The following CAMTA1 variants were observed in gnomAD, a reference collection of about 807,000 sequenced individuals.
CAMTA1 encodes calmodulin binding transcription activator 1, also known as calmodulin-binding transcription activator 1.
A neutral mutation model predicts 170.9 loss-of-function variants in CAMTA1; 27 were observed. That is an observed-to-expected ratio of 0.16 (90% CI 0.12 to 0.22). CAMTA1 has a LOEUF of 0.22. Among genes scored for constraint, CAMTA1 ranks in the 10% least tolerant of loss-of-function variants. CAMTA1 has a pLI of 1.00. For missense variants in CAMTA1, 1,619 were observed against 2,217.2 expected (o/e 0.73, Z 5.42); for synonymous variants, 833 against 891.5 (o/e 0.93, Z 1.17).
At chr1:7,001,935 C>T (rs1698275223) in intron 3 of CAMTA1, among the ~76,000 whole-genome samples, 1 of 141,390 alleles carries the variant, frequency 7.1e-6, no homozygotes, top group African/African-American at 2.7e-5. Flanking sequence ...CTCCCTCTGT[C>T]GCCCAGGCTG....
chr1:7,252,592 G>A (rs1666792966), intron 5 of CAMTA1, among the ~76,000 whole-genome samples: 1 of 152,210 alleles, frequency 6.6e-6, no homozygotes, highest in Non-Finnish European at 1.5e-5. Flanking sequence ...ACAGGAGGAG[G>A]GGGCTTCTGA....
intron 22 of CAMTA1, among the ~76,000 whole-genome samples, chr1:7,763,859 A>G (rs935963686): frequency 3.3e-5 from 5 of 152,180 alleles, no homozygotes; most frequent in African/African-American, 1.2e-4. Flanking sequence ...TAGACATCTC[A>G]TCAGTGATGG....
rs1041120476 is a variant in CAMTA1 at position 6,820,486 on chromosome 1, G to C, written c.115+236G>C. 1.1e-4 allele frequency among the ~76,000 whole-genome samples: 17 copies of C among 152,198 alleles called. 1 individual carries two copies. The South Asian group carries it at 3.3e-3, about 30-fold the overall frequency. Reference sequence around the variant, plus strand: ...AAGGCAAAAGATTTAATCACACGGAGAAATCAAAGCACTTAACAAATGTTT... The same window carrying C: ...AAGGCAAAAGATTTAATCACACGGACAAATCAAAGCACTTAACAAATGTTT... On this transcript the variant is annotated intron_variant, in intron 2 of 22. Coordinates refer to ENST00000303635, the MANE Select transcript of CAMTA1 (RefSeq NM_015215.4).
At chr1:7,314,003 C>G (rs1156898924) in intron 5 of CAMTA1, among the ~76,000 whole-genome samples, 1 of 152,180 alleles carries the variant, frequency 6.6e-6, no homozygotes, top group Non-Finnish European at 1.5e-5. Context: ...GATTCCCACC[C>G]ACAGCAGGCC....
chr1:7,211,130 C>T (rs557454648), intron 4 of CAMTA1, among the ~76,000 whole-genome samples: 9 of 152,186 alleles, frequency 5.9e-5, no homozygotes, highest in Non-Finnish European at 1.2e-4. Context: ...AGCAATGCAT[C>T]TTGTGTTTAA....
chr1:6,859,218 T>C (rs1332688983), intron 3 of CAMTA1, among the ~76,000 whole-genome samples: 1 of 152,094 alleles, frequency 6.6e-6, no homozygotes, highest in Non-Finnish European at 1.5e-5. Flanking sequence ...TATGTATATA[T>C]GTTTGAGTGT....
Position 7,745,897 on chromosome 1 carries a change from G to C in CAMTA1, c.4423G>C (p.Val1475Leu). 6.2e-7 allele frequency: 1 copy of C among 1,614,170 alleles called. No homozygotes were observed. Among genetic ancestry groups the C allele is most frequent in the Non-Finnish European group, 8.5e-7 (1 of 1,180,020 alleles). ...TPSSNTSLSPVGSPVSEIAFE... is the reference protein window; with the variant it reads ...TPSSNTSLSPLGSPVSEIAFE... ...TTCTTCTAATACCAGCTTGAGCCCT[G>C]TTGGCTCTCCCGTCAGTGAAATCGC... Residue 1475 changes from valine (V) to leucine (L), a missense_variant, in exon 18 of 23, where the codon GTT (valine) becomes CTT (leucine). By Grantham distance (32) the Val-to-Leu change is conservative. Coordinates refer to ENST00000303635, the MANE Select transcript of CAMTA1 (RefSeq NM_015215.4).
chr1:6,854,131 C>T (rs912773062), intron 3 of CAMTA1, among the ~76,000 whole-genome samples: 21 of 152,118 alleles, frequency 1.4e-4, no homozygotes, highest in Non-Finnish European at 3.1e-4. Flanking sequence ...TTTCAGTCAA[C>T]AAGGGACTGA....
At chr1:6,995,713 T>C (rs1364444233) in intron 3 of CAMTA1, among the ~76,000 whole-genome samples, 1 of 152,230 alleles carries the variant, frequency 6.6e-6, no homozygotes, top group Non-Finnish European at 1.5e-5. Flanking sequence ...GAAAGCTTGT[T>C]ACAATTCCAA....
Position 7,027,808 on chromosome 1 carries a change from A to G in CAMTA1, c.235-63496A>G, listed in dbSNP as rs77619339. On this transcript the variant is annotated intron_variant, in intron 3 of 22. Coordinates refer to ENST00000303635, the MANE Select transcript of CAMTA1 (RefSeq NM_015215.4). ...CCAGAGTTATGAAGGTTGGGCATGG[A>G]TACAAAGACCCTTAGACTTTTTATT... is the stretch of plus-strand genomic sequence containing the variant. Among the ~76,000 whole-genome samples, 1,071 of 152,304 alleles carry G rather than the reference A, an allele frequency of 7.0e-3. 8 individuals are homozygous for G. Among genetic ancestry groups the G allele is most frequent in the African/African-American group, 0.024 (1,014 of 41,554 alleles).
intron 4 of CAMTA1, among the ~76,000 whole-genome samples, chr1:7,132,850 G>A (rs1459793078): frequency 1.3e-5 from 2 of 152,070 alleles, no homozygotes. Flanking sequence ...TAGTTCTTCT[G>A]TACCTATTGA....
intron 5 of CAMTA1, among the ~76,000 whole-genome samples, chr1:7,312,936 C>G (rs1379473945): frequency 2.6e-5 from 4 of 151,884 alleles, no homozygotes; most frequent in African/African-American, 9.7e-5. Flanking sequence ...TTTAATGGCT[C>G]CATGACATTT....
At chr1:6,796,668 G>C (rs1291635492) in intron 1 of CAMTA1, among the ~76,000 whole-genome samples, 2 of 152,080 alleles carry the variant, frequency 1.3e-5, no homozygotes, top group East Asian at 3.9e-4. Flanking sequence ...AGTATTCCTT[G>C]TATTGGACTT....
rs558506800 is a variant in CAMTA1, at chr1:7,667,802, C to T, written c.2652+2603C>T. Among the ~76,000 whole-genome samples the T allele has an allele frequency of 5.4e-4, 82 of 152,348 alleles. 1 individual carries two copies. Among genetic ancestry groups the T allele is most frequent in the South Asian group, 2.5e-3 (12 of 4,832 alleles). The stretch of plus-strand genomic sequence containing the variant: ...GCGGCCAGCCTTGCTTTTCCAGAAG[C>T]CCTCAATGCTTCCAGTTACCCACAA... On this transcript the variant is annotated intron_variant, in intron 9 of 22. Transcript: ENST00000303635.
Position 6,905,713 on chromosome 1 carries a change from T to C in CAMTA1, c.234+80503T>C, listed in dbSNP as rs529972074. Among the ~76,000 whole-genome samples, 30 of 152,324 alleles carry C rather than the reference T, an allele frequency of 2.0e-4. 1 individual carries two copies. In the South Asian group the frequency reaches 6.2e-3, roughly 32 times the overall value. On this transcript the variant is annotated intron_variant, in intron 3 of 22. Transcript: ENST00000303635. ...CCCTGCCCCCTGCTTTGCGTTTGCA[T>C]TGTGCTTTGTCTCTTATTAATAGTT...
chr1:7,036,640 C>T (rs7553537), intron 3 of CAMTA1, among the ~76,000 whole-genome samples: 21,493 of 152,164 alleles, frequency 0.14, 2,066 homozygotes, highest in African/African-American at 0.27. Context: ...TTTTCCATTC[C>T]GCTAACATCT....
chr1:7,320,548 C>T (rs567710155), intron 5 of CAMTA1, among the ~76,000 whole-genome samples: 3 of 151,484 alleles, frequency 2.0e-5, no homozygotes, highest in Non-Finnish European at 2.9e-5. Flanking sequence ...GCAGGGTCTA[C>T]GTTGGTGAAT....
rs1684891000 is a variant in CAMTA1, at chr1:6,934,067, C to T, written c.234+108857C>T. On this transcript the variant is annotated intron_variant, in intron 3 of 22. Coordinates refer to ENST00000303635, the MANE Select transcript of CAMTA1 (RefSeq NM_015215.4). The surrounding 1 kb of genome is among the most constrained non-coding windows in gnomAD (Gnocchi z 4.5). Reference sequence around the variant, plus strand: ...TCACATTGCTCTCTGCAGATGGCCTCTTCTGGAGCTATGCCACCTGCTGTC... The same window carrying T: ...TCACATTGCTCTCTGCAGATGGCCTTTTCTGGAGCTATGCCACCTGCTGTC... Among the ~76,000 whole-genome samples, 1 of 152,202 alleles carries T rather than the reference C, an allele frequency of 6.6e-6. No individual in the cohort carries two copies. The highest frequency in any genetic ancestry group is 1.5e-5 in the Non-Finnish European group (1 of 68,034).
intron 5 of CAMTA1, among the ~76,000 whole-genome samples, chr1:7,399,311 C>T (rs2089699158): frequency 6.6e-6 from 1 of 152,206 alleles, no homozygotes; most frequent in South Asian, 2.1e-4. Context: ...ATTCCTGCTT[C>T]CATTTTCCTT....
Sources: allele counts gnomAD v4.1 joint callset (sites outside exome capture counted in the v4.1 genomes callset), GRCh38; gene constraint gnomAD v4.1.1; non-coding constraint Gnocchi (gnomAD v3.1); transcripts MANE v1.5; gene names NCBI Gene and HGNC (gene_info 2026-07-23, HGNC 2026-07-21).